Variants in PDE4D observed in about 807,000 individuals in gnomAD.
PDE4D encodes the protein 3',5'-cyclic-AMP phosphodiesterase 4D.
PDE4D carries 24 observed loss-of-function variants against 87.4 expected under a neutral mutation model. That is an observed-to-expected ratio of 0.27 (90% CI 0.20 to 0.39). PDE4D has a LOEUF of 0.39. Among genes scored for constraint, PDE4D ranks in the 10% least tolerant of loss-of-function variants. The pLI is 1.00. For missense variants in PDE4D, 714 were observed against 1,041.0 expected, an observed-to-expected ratio of 0.69 and a Z score of 4.32; for synonymous variants, 384 against 383.2, an observed-to-expected ratio of 1.00 and a Z score of -0.02.
intron 2 of PDE4D, among the ~76,000 whole-genome samples, chr5:60,091,442 C>T (rs1429173506): frequency 6.6e-6 from 1 of 151,986 alleles, no homozygotes; most frequent in Non-Finnish European, 1.5e-5. Flanking sequence ...ATATATCATC[C>T]CACCCCAGTT....
At position 60,468,902 on chromosome 5, in the gene PDE4D, T is replaced by A. The variant is rs548114536; in HGVS notation, c.-90+19040A>T. On this transcript the variant is annotated intron_variant, in intron 1 of 16. Coordinates refer to the PDE4D transcript ENST00000502484. ...CCCTCCAGCCATGCTCCTGATTCTATCCCTGCCAGCTCTCTCCATCGTCCC... is the reference window on the plus strand; with the variant it reads ...CCCTCCAGCCATGCTCCTGATTCTAACCCTGCCAGCTCTCTCCATCGTCCC... Among the ~76,000 whole-genome samples the A allele has an allele frequency of 3.9e-5, 6 of 152,236 alleles. No homozygotes were observed. The East Asian group carries it at 1.2e-3, about 29-fold the overall frequency.
At chr5:59,413,168 C>T (rs1465951325) in intron 1 of PDE4D, among the ~76,000 whole-genome samples, 1 of 152,002 alleles carries the variant, frequency 6.6e-6, no homozygotes, top group Non-Finnish European at 1.5e-5. Flanking sequence ...ACAAAAAATG[C>T]CATGGTTGGC....
intron 1 of PDE4D, among the ~76,000 whole-genome samples, chr5:59,612,831 CA>C (rs1258209090): frequency 6.6e-6 from 1 of 152,058 alleles, no homozygotes; most frequent in African/African-American, 2.4e-5. Flanking sequence ...GTACCTGAAG[CA>C]GGACTTTGCT....
chr5:59,677,168 C>A (rs1272507200), intron 1 of PDE4D, among the ~76,000 whole-genome samples: 1 of 151,656 alleles, frequency 6.6e-6, no homozygotes, highest in East Asian at 1.9e-4. Context: ...TATATACCCA[C>A]AGAAAACCAT....
At chr5:59,586,321 T>C in intron 1 of PDE4D, 1 of 1,587,728 alleles carries the variant, frequency 6.3e-7, no homozygotes, top group Non-Finnish European at 8.6e-7. Context: ...GGAATATTGA[T>C]TACTCACCAT....
At chr5:59,810,551 G>A (rs1768234786) in intron 1 of PDE4D, among the ~76,000 whole-genome samples, 1 of 152,206 alleles carries the variant, frequency 6.6e-6, no homozygotes, top group Non-Finnish European at 1.5e-5. Flanking sequence ...GTCAAGGTTA[G>A]CAGGTTAGTC....
At chr5:60,422,114 C>A (rs1477782437) in intron 1 of PDE4D, among the ~76,000 whole-genome samples, 1 of 152,176 alleles carries the variant, frequency 6.6e-6, no homozygotes, top group Admixed American at 6.5e-5. Flanking sequence ...AGTTGGAAAA[C>A]ACTCTGGAGG....
intron 3 of PDE4D, among the ~76,000 whole-genome samples, chr5:59,909,858 T>C (rs980156750): frequency 2.6e-5 from 4 of 152,184 alleles, no homozygotes; most frequent in African/African-American, 9.7e-5. Context: ...AAAATCCCAA[T>C]GTCTAAACTT....
chr5:59,931,297 T>G (rs1335204582), intron 3 of PDE4D, among the ~76,000 whole-genome samples: 1 of 152,210 alleles, frequency 6.6e-6, no homozygotes. Context: ...AAGGCTTTAT[T>G]TGTTATATAA....
intron 1 of PDE4D, among the ~76,000 whole-genome samples, chr5:59,616,367 T>C (rs1829669986): frequency 6.6e-6 from 1 of 152,188 alleles, no homozygotes; most frequent in African/African-American, 2.4e-5. Context: ...GCTTTAAAGT[T>C]TTAAAGAATT....
intron 5 of PDE4D, among the ~76,000 whole-genome samples, chr5:59,163,821 C>T (rs150860735): frequency 9.1e-4 from 138 of 152,266 alleles, no homozygotes; most frequent in African/African-American, 3.1e-3. Context: ...GAATGTTTAT[C>T]AGACTATCGT....
chr5:60,053,462 T>C (rs947106473), intron 2 of PDE4D, among the ~76,000 whole-genome samples: 1 of 152,154 alleles, frequency 6.6e-6, no homozygotes, highest in African/African-American at 2.4e-5. Flanking sequence ...ATTTAATAAA[T>C]GGTGTTGGGG....
rs778569858 is a variant in PDE4D, at chr5:59,893,630, C to T, written c.-8G>A. 5 of 1,482,448 alleles carry T rather than the reference C, an allele frequency of 3.4e-6. No homozygotes were observed. The highest frequency in any genetic ancestry group is 1.3e-5 in the South Asian group (1 of 77,816). The allele number at this position is 1,482,448 out of a possible 1,614,324, so 91.8% of individuals were successfully genotyped here. On this transcript the variant is annotated 5_prime_UTR_variant, in exon 1 of 15. Coordinates refer to ENST00000340635, the MANE Select transcript of PDE4D (RefSeq NM_001104631.2). ...GCTGCCCTCTGCCTCCATCCTGGCT[C>T]GCGGCTCCGCGACCTGCTGCCCAGC... is the stretch of plus-strand genomic sequence containing the variant.
At chr5:60,288,588 T>C (rs1752623532) in intron 1 of PDE4D, among the ~76,000 whole-genome samples, 1 of 152,154 alleles carries the variant, frequency 6.6e-6, no homozygotes, top group African/African-American at 2.4e-5. Context: ...TGAAAAAAAG[T>C]TTTTTAACTA....
chr5:59,413,257 A>T lies in PDE4D; in HGVS notation c.456-197289T>A, dbSNP rs188022739. On this transcript the variant is annotated intron_variant, in intron 1 of 14. Coordinates refer to ENST00000340635, the MANE Select transcript of PDE4D (RefSeq NM_001104631.2). ...CGGATCACGAGGTCAGGAGATCGAG[A>T]CCATCCTGGCTAACACGGTGAAACC... 3.7e-4 allele frequency among the ~76,000 whole-genome samples: 56 copies of T among 152,164 alleles called. No individual in the cohort carries two copies. The South Asian group carries it at 9.3e-3, about 25-fold the overall frequency.
At chr5:60,089,016 A>T (rs1774825377) in intron 2 of PDE4D, among the ~76,000 whole-genome samples, 1 of 152,022 alleles carries the variant, frequency 6.6e-6, no homozygotes, top group Admixed American at 6.6e-5. Flanking sequence ...CAAAAAGAGC[A>T]GAAGTAAAGC....
chr5:59,570,204 G>C (rs539612168), intron 1 of PDE4D, among the ~76,000 whole-genome samples: 5 of 152,178 alleles, frequency 3.3e-5, no homozygotes, highest in African/African-American at 1.2e-4. Flanking sequence ...TTCTTTCTTT[G>C]TTCTAGCTAC....
rs893256680 is a variant in PDE4D, at chr5:59,926,343, T to G, written c.272+62145A>C. Among the ~76,000 whole-genome samples the G allele has an allele frequency of 5.3e-5, 8 of 151,924 alleles. No individual in the cohort carries two copies. The South Asian group carries it at 6.2e-4, about 12-fold the overall frequency. On this transcript the variant is annotated intron_variant, in intron 3 of 16. Transcript: ENST00000502484. Reference sequence around the variant, plus strand: ...ATGGAAACAGAAACATACCAAAACCTAACGGGTACAGTTGCAAGCAGTAAT... The same window carrying G: ...ATGGAAACAGAAACATACCAAAACCGAACGGGTACAGTTGCAAGCAGTAAT...
At chr5:59,774,689 C>CTTTTTTT (rs71604800) in intron 1 of PDE4D, among the ~76,000 whole-genome samples, 7 of 132,412 alleles carry the variant, frequency 5.3e-5, no homozygotes, top group African/African-American at 5.6e-5. Flanking sequence ...TTTCTTTTTT[C>CTTTTTTT]TTTTTTTTTT....
Sources: gnomAD v4.1 joint callset for allele counts (sites outside exome capture counted in the v4.1 genomes callset) on GRCh38, gnomAD v4.1.1 for gene constraint, MANE v1.5 for transcripts, NCBI Gene and HGNC (gene_info 2026-07-23, HGNC 2026-07-21) for gene names.